FXR1: variants seen among roughly 807,000 people sequenced by gnomAD.
The protein encoded by FXR1 is FMR1 autosomal homolog 1.
A neutral mutation model predicts 84.0 loss-of-function variants in FXR1; 15 were observed. That is an observed-to-expected ratio of 0.18 (90% CI 0.12 to 0.27). The LOEUF (loss-of-function observed/expected upper bound fraction) is 0.27, where lower values mean the gene tolerates loss of function less well. Ranked by LOEUF, FXR1 falls within the 10% of genes least tolerant of loss-of-function variation. FXR1 has a pLI of 1.00. For synonymous variants in FXR1, 245 were observed against 250.7 expected (o/e 0.98, Z 0.21); for missense variants, 480 against 774.4 (o/e 0.62, Z 4.51).
chr3:180,980,992 T>G lies in FXR1; in HGVS notation c.*4700T>G, dbSNP rs1304241177. 1.3e-5 allele frequency: 2 copies of G among 152,036 alleles called. No individual in the cohort carries two copies. Among genetic ancestry groups the G allele is most frequent in the African/African-American group, 4.8e-5 (2 of 41,430 alleles). 9.4% of individuals were successfully genotyped at this position (152,036 alleles called of 1,614,324 possible). ...TTGTTTTTTTAAGCTTAGTCTGTTC[T>G]TTGACATTGTTGATTCATGTTCTAA... On this transcript the variant is annotated 3_prime_UTR_variant, in exon 17 of 17. Coordinates refer to ENST00000357559, the MANE Select transcript of FXR1 (RefSeq NM_005087.4).
chr3:180,958,206 T>C (rs904101139), intron 10 of FXR1, among the ~76,000 whole-genome samples: 4 of 152,142 alleles, frequency 2.6e-5, no homozygotes, highest in Non-Finnish European at 5.9e-5. Flanking sequence ...ATACGTAGAG[T>C]GTAAAGCTGT....
intron 3 of FXR1, among the ~76,000 whole-genome samples, chr3:180,941,178 AT>A (rs112424019): frequency 0.07 from 10,195 of 144,830 alleles, 961 homozygotes; most frequent in African/African-American, 0.22. Flanking sequence ...AACTTTTTAG[AT>A]TTTTTTTTTT....
chr3:180,961,447 C>T, intron 10 of FXR1, 21 bp from the exon 11 acceptor site: 13 of 1,039,178 alleles, frequency 1.3e-5, no homozygotes, highest in East Asian at 1.1e-4. Context: ...ACACTGAATA[C>T]TTTTTTTTTT....
At chr3:180,921,291 C>G (rs2108426104) in intron 1 of FXR1, among the ~76,000 whole-genome samples, 1 of 151,646 alleles carries the variant, frequency 6.6e-6, no homozygotes, top group South Asian at 2.1e-4. Flanking sequence ...TCCCTTGAAC[C>G]CAGGGTGGGG....
At chr3:180,958,034 CT>C (rs1711553294) in intron 10 of FXR1, 106 bp downstream of exon 10, 4 of 466,028 alleles carry the variant, frequency 8.6e-6, no homozygotes, top group African/African-American at 4.1e-5. Flanking sequence ...GGTTTTTCTT[CT>C]TTTTAAAATT....
intron 1 of FXR1, among the ~76,000 whole-genome samples, chr3:180,915,985 A>G (rs1049120845): frequency 6.6e-6 from 1 of 152,212 alleles, no homozygotes; most frequent in African/African-American, 2.4e-5. Context: ...GTAGCCCTAT[A>G]AATCTGCGGG....
chr3:180,948,727 T>A lies in FXR1; in HGVS notation c.426T>A (p.Ala142=). ...TAAATTGATTTCTCTCTAGGTGTGC[T>A]AATGAAAATGCACATAAAGATTTTA... ...DVPEDLREAC[A]NENAHKDFKK... The change falls in exon 6 of 17, where the codon GCT becomes GCA. Residue 142 remains alanine, a synonymous_variant. Coordinates refer to ENST00000357559, the MANE Select transcript of FXR1 (RefSeq NM_005087.4). 1 of 1,532,460 alleles carries A rather than the reference T, an allele frequency of 6.5e-7. No individual in the cohort carries two copies. The highest frequency in any genetic ancestry group is 9.0e-7 in the Non-Finnish European group (1 of 1,106,256). 94.9% of individuals were successfully genotyped at this position (1,532,460 alleles called of 1,614,324 possible).
At chr3:180,912,803 G>A (rs1717375887) in intron 1 of FXR1, 67 bp downstream of exon 1, 26 of 1,612,900 alleles carry the variant, frequency 1.6e-5, no homozygotes, top group Non-Finnish European at 2.5e-6. Context: ...GAGGGTTGGT[G>A]GTCCCAGAGA....
At chr3:180,938,327 TAA>T (rs1223251623) in intron 3 of FXR1, among the ~76,000 whole-genome samples, 1 of 152,234 alleles carries the variant, frequency 6.6e-6, no homozygotes, top group African/African-American at 2.4e-5. Context: ...TTTCATACAT[TAA>T]GTGACTGTAT....
intron 1 of FXR1, chr3:180,914,638 T>A (rs1717666943): frequency 6.9e-6 from 2 of 289,832 alleles, no homozygotes; most frequent in Non-Finnish European, 1.0e-5. Flanking sequence ...TCTCACGGTA[T>A]TTTTTTTTTC....
Position 180,978,532 on chromosome 3 carries a change from G to A in FXR1, c.*2240G>A, listed in dbSNP as rs1388432071. 1 of 152,028 alleles carries A rather than the reference G, an allele frequency of 6.6e-6. No homozygotes were observed. The highest frequency in any genetic ancestry group is 1.5e-5 in the Non-Finnish European group (1 of 67,956). The allele number at this position is 152,028 out of a possible 1,614,324, so 9.4% of individuals were successfully genotyped here. ...TCTTTTTGGCTGCTATCCTAGTTAG[G>A]TGAGATGTTGCTATGGGAAGAACTT... is the stretch of plus-strand genomic sequence containing the variant. On this transcript the variant is annotated 3_prime_UTR_variant, in exon 17 of 17. Coordinates refer to ENST00000357559, the MANE Select transcript of FXR1 (RefSeq NM_005087.4).
chr3:180,952,102 C>T (rs997761028), intron 8 of FXR1, among the ~76,000 whole-genome samples: 1 of 151,984 alleles, frequency 6.6e-6, no homozygotes, highest in Non-Finnish European at 1.5e-5. Context: ...AAATTGAGAC[C>T]ATCCTTCAAA....
chr3:180,953,750 C>T lies in FXR1; in HGVS notation c.802-12C>T, dbSNP rs780222627. Reference sequence around the variant, plus strand: ...AACAGGATTTCATTTTTACTTTTCCCCTCATCTACAGAGTGCTGATGCTGT... The same window carrying T: ...AACAGGATTTCATTTTTACTTTTCCTCTCATCTACAGAGTGCTGATGCTGT... On this transcript the variant is annotated splice_polypyrimidine_tract_variant and intron_variant, in intron 8 of 16. Transcript: ENST00000357559. The T allele has an allele frequency of 4.2e-5, 57 of 1,373,192 alleles. No homozygotes were observed. The Admixed American group carries it at 1.1e-3, about 26-fold the overall frequency. 85.1% of individuals were successfully genotyped at this position (1,373,192 alleles called of 1,614,324 possible).
Position 180,977,737 on chromosome 3 carries a change from A to G in FXR1, c.*1445A>G, listed in dbSNP as rs1168203287. 2 of 152,138 alleles carry G rather than the reference A, an allele frequency of 1.3e-5. No homozygotes were observed. Among genetic ancestry groups the G allele is most frequent in the South Asian group, 2.1e-4 (1 of 4,834 alleles). 9.4% of individuals were successfully genotyped at this position (152,138 alleles called of 1,614,324 possible). A position where few individuals can be genotyped will look rare whatever the true frequency, so the allele number is the denominator to read the frequency against. On this transcript the variant is annotated 3_prime_UTR_variant, in exon 17 of 17. Transcript: ENST00000357559. ...ACAGCCCTTTGTTATCACTTGGCAT[A>G]TGAAAAGTGTTGTGTGCATAGTTTG...
chr3:180,959,485 T>C (rs1419792265), intron 10 of FXR1, among the ~76,000 whole-genome samples: 1 of 152,192 alleles, frequency 6.6e-6, no homozygotes, highest in Non-Finnish European at 1.5e-5. Flanking sequence ...GCTCGGTTGC[T>C]AATTTTATGA....
chr3:180,968,330 G>T, intron 14 of FXR1, 76 bp downstream of exon 14: 1 of 971,522 alleles, frequency 1.0e-6, no homozygotes, highest in Non-Finnish European at 1.6e-6. Flanking sequence ...TCATCTCCCA[G>T]GGCCACCCAT....
chr3:180,976,003 C>T, intron 16 of FXR1, 119 bp from the exon 17 acceptor site: 2 of 651,814 alleles, frequency 3.1e-6, no homozygotes, highest in South Asian at 4.4e-5. Context: ...TACTTTGATC[C>T]ATTGTGGTAT....
intron 13 of FXR1, 145 bp downstream of exon 13, chr3:180,963,235 G>T: frequency 1.8e-6 from 1 of 570,028 alleles, no homozygotes; most frequent in Non-Finnish European, 3.1e-6. Flanking sequence ...TTTAGTACAC[G>T]TCTTAATAGT....
rs1713354129 is a variant in FXR1 at position 180,970,256 on chromosome 3, A to G, written c.1501A>G (p.Asn501Asp). Residue 501 changes from asparagine (N) to aspartate (D), a missense_variant, in exon 15 of 17, where the codon AAC (asparagine) becomes GAC (aspartate). Physicochemically the swap from Asn to Asp is conservative, Grantham distance 23. Coordinates refer to ENST00000357559, the MANE Select transcript of FXR1 (RefSeq NM_005087.4). ...TGCCAGCGAATCTCATCACAGTACT[A>G]ACCGTCGTAGGCGGTCTCGTAGACG... ...TDASESHHSTNRRRRSRRRRT... is the reference protein window; with the variant it reads ...TDASESHHSTDRRRRSRRRRT... The G allele has an allele frequency of 6.2e-7, 1 of 1,601,772 alleles. No individual in the cohort carries two copies. The highest frequency in any genetic ancestry group is 1.7e-5 in the Admixed American group (1 of 59,906).
Sources: allele counts gnomAD v4.1 joint callset (sites outside exome capture counted in the v4.1 genomes callset), GRCh38; gene constraint gnomAD v4.1.1; transcripts MANE v1.5; gene names NCBI Gene and HGNC (gene_info 2026-07-23, HGNC 2026-07-21).